PPP1R9A: variants seen among roughly 807,000 people sequenced by gnomAD.
PPP1R9A encodes the protein neurabin-1.
A neutral mutation model predicts 141.9 loss-of-function variants in PPP1R9A; 59 were observed. That is an observed-to-expected ratio of 0.42 (90% CI 0.34 to 0.52). PPP1R9A has a LOEUF of 0.52. Among genes scored for constraint, PPP1R9A ranks in the 20% least tolerant of loss-of-function variants. The pLI is 0.10. For synonymous variants in PPP1R9A, 500 were observed against 569.7 expected (o/e 0.88, Z 1.74); for missense variants, 1,444 against 1,611.9 (o/e 0.90, Z 1.78).
At chr7:95,002,477 T>C (rs1803075421) in intron 2 of PPP1R9A, among the ~76,000 whole-genome samples, 1 of 152,148 alleles carries the variant, frequency 6.6e-6, no homozygotes, top group Admixed American at 6.5e-5. Flanking sequence ...AGAAAGGTGC[T>C]TGGTGCCTAA....
rs1265593964 is a variant in PPP1R9A, at chr7:95,288,790, A to C, written c.3912+72A>C. The C allele has an allele frequency of 2.0e-6, 3 of 1,519,482 alleles. No individual in the cohort carries two copies. In the African/African-American group the frequency reaches 4.1e-5, roughly 21 times the overall value. The allele number at this position is 1,519,482 out of a possible 1,614,324, so 94.1% of individuals were successfully genotyped here. On this transcript the variant is annotated intron_variant, in intron 19 of 19. Coordinates refer to ENST00000433360, the MANE Select transcript of PPP1R9A (RefSeq NM_001166160.2). Reference sequence around the variant, plus strand: ...TACTCATATCACCTAAAATGTTTTCATTAGGTAAGAGCATTCTGCATATCT... The same window carrying C: ...TACTCATATCACCTAAAATGTTTTCCTTAGGTAAGAGCATTCTGCATATCT...
intron 2 of PPP1R9A, among the ~76,000 whole-genome samples, chr7:95,035,023 A>C (rs573619866): frequency 6.6e-5 from 10 of 152,294 alleles, no homozygotes; most frequent in African/African-American, 2.4e-4. Flanking sequence ...TGTTTTCACT[A>C]TAATATTTTG....
chr7:95,139,135 T>C (rs1584905392), intron 4 of PPP1R9A, among the ~76,000 whole-genome samples: 1 of 152,298 alleles, frequency 6.6e-6, no homozygotes, highest in African/African-American at 2.4e-5. Flanking sequence ...TACCCAAGGC[T>C]GGGTAATTGA....
chr7:94,960,184 T>C (rs1365776563), intron 2 of PPP1R9A, among the ~76,000 whole-genome samples: 68 of 150,996 alleles, frequency 4.5e-4, no homozygotes, highest in African/African-American at 1.6e-3. Flanking sequence ...TTTTTTTTTT[T>C]CTTCATGTTC....
At chr7:94,984,610 T>G (rs193251022) in intron 2 of PPP1R9A, among the ~76,000 whole-genome samples, 1 of 152,342 alleles carries the variant, frequency 6.6e-6, no homozygotes, top group Admixed American at 6.5e-5. Flanking sequence ...TTTCCTAATT[T>G]ATTTGCATAG....
intron 2 of PPP1R9A, among the ~76,000 whole-genome samples, chr7:95,032,459 T>G (rs1157557399): frequency 3.3e-5 from 5 of 152,188 alleles, no homozygotes; most frequent in Admixed American, 3.3e-4. Context: ...ATAGTAAAAC[T>G]AATTGAATCA....
chr7:95,231,002 CT>C (rs1401828769), intron 8 of PPP1R9A, among the ~76,000 whole-genome samples: 4 of 152,076 alleles, frequency 2.6e-5, no homozygotes, highest in Non-Finnish European at 4.4e-5. Flanking sequence ...TTTCTGCTGT[CT>C]TCAGGAAACT....
chr7:95,137,671 C>T (rs1041556851), intron 4 of PPP1R9A, among the ~76,000 whole-genome samples: 4 of 152,104 alleles, frequency 2.6e-5, no homozygotes, highest in Non-Finnish European at 5.9e-5. Context: ...CCCAATCAAA[C>T]TCTAGCAGGT....
intron 2 of PPP1R9A, among the ~76,000 whole-genome samples, chr7:94,933,667 A>G (rs1794433111): frequency 6.6e-6 from 1 of 152,236 alleles, no homozygotes; most frequent in Admixed American, 6.5e-5. Flanking sequence ...TCACCATACC[A>G]GGCACCAAGT....
intron 2 of PPP1R9A, among the ~76,000 whole-genome samples, chr7:94,927,446 T>C (rs1016172318): frequency 6.6e-5 from 10 of 152,216 alleles, no homozygotes; most frequent in African/African-American, 2.4e-4. Flanking sequence ...GTTACTGCTG[T>C]TTTTCATCTT....
intron 2 of PPP1R9A, among the ~76,000 whole-genome samples, chr7:95,057,122 T>A (rs951009913): frequency 2.0e-5 from 3 of 152,134 alleles, no homozygotes; most frequent in Non-Finnish European, 2.9e-5. Flanking sequence ...TTGGCTTTCA[T>A]GTTGAGTTGT....
Position 95,284,134 on chromosome 7 carries a change from A to G in PPP1R9A, c.3413A>G (p.Tyr1138Cys), listed in dbSNP as rs888370641. 86 of 1,590,004 alleles carry G rather than the reference A, an allele frequency of 5.4e-5. No homozygotes were observed. Among genetic ancestry groups the G allele is most frequent in the Non-Finnish European group, 7.0e-5 (82 of 1,171,338 alleles). Residue 1138 changes from tyrosine (Y) to cysteine (C), a missense_variant, in exon 17 of 20, where the codon TAT (tyrosine) becomes TGT (cysteine). Coordinates refer to ENST00000433360, the MANE Select transcript of PPP1R9A (RefSeq NM_001166160.2). ...TTTAATGACAGCCGGAAAGGATCCTATTCCTTCAGGAACCTGCCTGCGCCT... is the reference window on the plus strand; with the variant it reads ...TTTAATGACAGCCGGAAAGGATCCTGTTCCTTCAGGAACCTGCCTGCGCCT... Reference protein sequence around the residue: ...SWFNDSRKGSYSFRNLPAPTS... With the variant: ...SWFNDSRKGSCSFRNLPAPTS...
Position 94,911,052 on chromosome 7 carries a change from C to G in PPP1R9A, c.939C>G (p.Pro313=), listed in dbSNP as rs201438530. 6.2e-7 allele frequency: 1 copy of G among 1,613,994 alleles called. No individual in the cohort carries two copies. The highest frequency in any genetic ancestry group is 8.5e-7 in the Non-Finnish European group (1 of 1,180,006). Residue 313 remains proline (P), a synonymous_variant, in exon 2 of 20, where the codon CCC becomes CCG. Coordinates refer to ENST00000433360, the MANE Select transcript of PPP1R9A (RefSeq NM_001166160.2). ...ACTCCACATCTAATCAACAGACTCCCGACAGCATTGACAAAGATGGTCCTG... is the reference window on the plus strand; with the variant it reads ...ACTCCACATCTAATCAACAGACTCCGGACAGCATTGACAAAGATGGTCCTG... ...PEDSTSNQQT[P]DSIDKDGPEE...
chr7:95,068,812 C>G (rs1054824489), intron 2 of PPP1R9A, among the ~76,000 whole-genome samples: 2 of 152,154 alleles, frequency 1.3e-5, no homozygotes, highest in African/African-American at 4.8e-5. Flanking sequence ...CTAGGCCCAG[C>G]AGTCAGGTAC....
chr7:95,164,340 A>G (rs1444026474), intron 5 of PPP1R9A, among the ~76,000 whole-genome samples: 1 of 152,190 alleles, frequency 6.6e-6, no homozygotes, highest in African/African-American at 2.4e-5. Flanking sequence ...TACAACTGGT[A>G]ATGAAAAGTT....
chr7:95,063,555 A>G (rs1812541028), intron 2 of PPP1R9A, among the ~76,000 whole-genome samples: 1 of 152,156 alleles, frequency 6.6e-6, no homozygotes, highest in Non-Finnish European at 1.5e-5. Flanking sequence ...ACAGAGCAAG[A>G]CTTTTTTAAA....
At chr7:95,139,461 A>G (rs967707563) in intron 4 of PPP1R9A, among the ~76,000 whole-genome samples, 14 of 152,074 alleles carry the variant, frequency 9.2e-5, no homozygotes, top group African/African-American at 3.4e-4. Flanking sequence ...CCATATCACA[A>G]CTCAAATTTC....
At chr7:95,208,763 T>C (rs889734396) in intron 7 of PPP1R9A, among the ~76,000 whole-genome samples, 1 of 151,826 alleles carries the variant, frequency 6.6e-6, no homozygotes, top group African/African-American at 2.4e-5. Context: ...GTTTCCTAAA[T>C]GAGCCACTAA....
Position 95,258,641 on chromosome 7 carries a change from A to G in PPP1R9A, c.2665+6511A>G, listed in dbSNP as rs896132004. 4.6e-5 allele frequency among the ~76,000 whole-genome samples: 7 copies of G among 152,194 alleles called. No individual in the cohort carries two copies. In the East Asian group the frequency reaches 1.3e-3, roughly 29 times the overall value. ...GAAAAAAATATTGTTGTCCACAATA[A>G]ATTAAGAACTCACATAAATCATAAG... is the stretch of plus-strand genomic sequence containing the variant. On this transcript the variant is annotated intron_variant, in intron 12 of 19. Transcript: ENST00000433360.
Sources: allele counts gnomAD v4.1 joint callset (sites outside exome capture counted in the v4.1 genomes callset), GRCh38; gene constraint gnomAD v4.1.1; transcripts MANE v1.5; gene names NCBI Gene and HGNC (gene_info 2026-07-23, HGNC 2026-07-21).